Variants in ANKS1A observed in about 807,000 individuals in gnomAD.
ANKS1A encodes the protein ankyrin repeat and SAM domain-containing protein 1A.
A neutral mutation model predicts 120.3 loss-of-function variants in ANKS1A; 55 were observed. The observed-to-expected ratio is 0.46, with a 90% CI of 0.37 to 0.57. The LOEUF is 0.57. ANKS1A is among the 20% of genes least tolerant of loss of function. The probability of loss-of-function intolerance (pLI) is 0.00; values close to 1 mark genes in which losing one functional copy is unlikely to be tolerated. For missense variants in ANKS1A, 1,123 were observed against 1,480.3 expected, an observed-to-expected ratio of 0.76 and a Z score of 3.96; for synonymous variants, 590 against 604.7, an observed-to-expected ratio of 0.98 and a Z score of 0.36.
At position 35,089,420 on chromosome 6, in the gene ANKS1A, C is replaced by A; in HGVS notation, c.*811C>A. On this transcript the variant is annotated 3_prime_UTR_variant, in exon 24 of 24. Transcript: ENST00000360359. ...GATCGGAGCACTGCCCTGGGCTGGC[C>A]GGCGCCGTACTGCCTGCGTTGTGTC... 2 of 986,572 alleles carry A rather than the reference C, an allele frequency of 2.0e-6. No homozygotes were observed. The highest frequency in any genetic ancestry group is 1.7e-5 in the African/African-American group (1 of 57,346). 61.1% of individuals were successfully genotyped at this position (986,572 alleles called of 1,614,324 possible). A position where few individuals can be genotyped will look rare whatever the true frequency, so the allele number is the denominator to read the frequency against.
chr6:34,963,792 T>C (rs1770765616), intron 1 of ANKS1A, among the ~76,000 whole-genome samples: 1 of 152,236 alleles, frequency 6.6e-6, no homozygotes, highest in African/African-American at 2.4e-5. Context: ...CTTTTGTCTT[T>C]TCGGTAATAG....
chr6:34,916,465 A>G (rs1768172084), intron 1 of ANKS1A, among the ~76,000 whole-genome samples: 1 of 152,186 alleles, frequency 6.6e-6, no homozygotes, highest in Non-Finnish European at 1.5e-5. Flanking sequence ...GCTGCTGGAG[A>G]CTGCTGTAGA....
intron 1 of ANKS1A, among the ~76,000 whole-genome samples, chr6:34,943,787 T>G (rs1769646499): frequency 6.6e-6 from 1 of 152,246 alleles, no homozygotes; most frequent in African/African-American, 2.4e-5. Flanking sequence ...TCCTGGATAA[T>G]AAGCCCATTG....
chr6:35,078,618 C>T lies in ANKS1A; in HGVS notation c.2245C>T (p.Arg749Trp), dbSNP rs775309517. The change falls in exon 14 of 24, where the codon CGG becomes TGG. Residue 749 changes from arginine (R) to tryptophan (W), a missense_variant. Arg to Trp is a moderately radical substitution (Grantham distance 101). Transcript: ENST00000360359. ...RDIGISDPQH[R>W]RKLLQAARSL... ...CATCGGCATCAGCGACCCACAGCAC[C>T]GGCGGAAGCTGCTCCAGGCGGCACG... 6.2e-6 allele frequency: 10 copies of T among 1,606,132 alleles called. No individual in the cohort carries two copies. The highest frequency in any genetic ancestry group is 2.2e-5 in the East Asian group (1 of 44,882).
chr6:35,080,499 G>A (rs1382891536), intron 16 of ANKS1A, among the ~76,000 whole-genome samples: 5 of 152,172 alleles, frequency 3.3e-5, no homozygotes, highest in African/African-American at 4.8e-5. Flanking sequence ...GGCCTGCCCC[G>A]CAGGTCTCAC....
intron 11 of ANKS1A, among the ~76,000 whole-genome samples, chr6:35,018,296 G>A (rs530416935): frequency 2.6e-5 from 4 of 152,358 alleles, no homozygotes; most frequent in African/African-American, 9.6e-5. Flanking sequence ...AGCAGAGCAG[G>A]GCTGAGGGAG....
chr6:34,987,949 A>AC (rs1420606930), intron 8 of ANKS1A, among the ~76,000 whole-genome samples: 1 of 152,224 alleles, frequency 6.6e-6, no homozygotes, highest in Non-Finnish European at 1.5e-5. Context: ...CTCAAGCATG[A>AC]CCAGGGCTTT....
At position 34,981,996 on chromosome 6, in the gene ANKS1A, C is replaced by T. The variant is rs540061701; in HGVS notation, c.732+10C>T. On this transcript the variant is annotated intron_variant, in intron 4 of 23. Transcript: ENST00000360359. ...GGACAGCAACTACCAGGTAGCAGGG[C>T]GGGTGGGGGCTCCTCCAATCTCAAG... is the stretch of plus-strand genomic sequence containing the variant. 15 of 1,612,578 alleles carry T rather than the reference C, an allele frequency of 9.3e-6. No homozygotes were observed. In the African/African-American group the frequency reaches 1.1e-4, roughly 11 times the overall value.
chr6:35,076,465 G>T (rs1719454472), intron 13 of ANKS1A, among the ~76,000 whole-genome samples: 1 of 152,186 alleles, frequency 6.6e-6, no homozygotes, highest in Non-Finnish European at 1.5e-5. Context: ...AGCTCTGGGT[G>T]TCCCCAAGTG....
rs113792575 is a variant in ANKS1A at position 34,983,434 on chromosome 6, A to G, written c.1012+9A>G. 6.2e-7 allele frequency: 1 copy of G among 1,605,212 alleles called. No homozygotes were observed. Among genetic ancestry groups the G allele is most frequent in the Non-Finnish European group, 8.5e-7 (1 of 1,174,640 alleles). On this transcript the variant is annotated intron_variant, in intron 7 of 23. Coordinates refer to ENST00000360359, the MANE Select transcript of ANKS1A (RefSeq NM_015245.3). ...ATCACAGAAGTCTCAGGGTAAGGTA[A>G]CTCTCCCCTATGAGTAAAGGGGTGC... is the stretch of plus-strand genomic sequence containing the variant.
chr6:34,893,868 G>T (rs1024548636), intron 1 of ANKS1A, among the ~76,000 whole-genome samples: 1 of 152,044 alleles, frequency 6.6e-6, no homozygotes, highest in Non-Finnish European at 1.5e-5. Context: ...TGTTTATTAT[G>T]ACTGTTAGCC....
At chr6:35,035,551 C>T (rs929914971) in intron 11 of ANKS1A, among the ~76,000 whole-genome samples, 2 of 152,098 alleles carry the variant, frequency 1.3e-5, no homozygotes, top group Non-Finnish European at 2.9e-5. Context: ...CCCTGGGTAC[C>T]CCTCTTGACA....
intron 11 of ANKS1A, among the ~76,000 whole-genome samples, chr6:35,042,279 A>G (rs1180506905): frequency 6.6e-6 from 1 of 152,196 alleles, no homozygotes. Flanking sequence ...ACGCAGTTGG[A>G]GGAATTTCAG....
Position 35,001,543 on chromosome 6 carries a change from C to T in ANKS1A, c.1423+7121C>T, listed in dbSNP as rs570431842. ...CTATATCTCAAAGTCCAGCACCCTGCGGGGCAGCCCCTGAGGGCCATCCAG... is the reference window on the plus strand; with the variant it reads ...CTATATCTCAAAGTCCAGCACCCTGTGGGGCAGCCCCTGAGGGCCATCCAG... On this transcript the variant is annotated intron_variant, in intron 10 of 23. Coordinates refer to ENST00000360359, the MANE Select transcript of ANKS1A (RefSeq NM_015245.3). Among the ~76,000 whole-genome samples, 19 of 152,352 alleles carry T rather than the reference C, an allele frequency of 1.2e-4. No homozygotes were observed. The South Asian group carries it at 2.1e-3, about 17-fold the overall frequency.
Position 34,967,260 on chromosome 6 carries a change from GAA to G in ANKS1A, c.220_221del (p.Asn74LeufsTer3). ...ATAGCATGTGGAGAGGGCCAAATGT[GAA>G]CTGTGTTGACAGCACTGGCTACACA... The part of the protein sequence containing the change: ...LLSMWRGPNV[N>X]CVDSTGYTPL... On this transcript the variant is annotated frameshift_variant, in exon 2 of 24. Transcript: ENST00000360359. LOFTEE classifies it high-confidence loss of function. The G allele has an allele frequency of 6.2e-7, 1 of 1,613,448 alleles. No homozygotes were observed. Among genetic ancestry groups the G allele is most frequent in the Non-Finnish European group, 8.5e-7 (1 of 1,179,894 alleles).
chr6:34,988,019 A>T (rs1274899552), intron 8 of ANKS1A, among the ~76,000 whole-genome samples: 2 of 152,300 alleles, frequency 1.3e-5, no homozygotes, highest in Middle Eastern at 3.4e-3. Context: ...TTCAGCTTTC[A>T]GTTTTCCTTC....
At chr6:35,079,730 A>T in intron 15 of ANKS1A, 62 bp downstream of exon 15, 1 of 1,612,630 alleles carries the variant, frequency 6.2e-7, no homozygotes, top group South Asian at 1.1e-5. Flanking sequence ...CCTTAGGGGC[A>T]GCCTGGCCCA....
chr6:34,905,090 C>T lies in ANKS1A; in HGVS notation c.197+15491C>T, dbSNP rs547998267. On this transcript the variant is annotated intron_variant, in intron 1 of 23. Transcript: ENST00000360359. ...CCTCCCAAAGTTCTGGGATTATAGG[C>T]GGGAGCCACTGTGCCCGGTCAACGT... Among the ~76,000 whole-genome samples the T allele has an allele frequency of 1.3e-3, 196 of 152,318 alleles. 2 individuals carry two copies. The highest frequency in any genetic ancestry group is 7.8e-3 in the Admixed American group (119 of 15,302).
In ANKS1A at chr6:34,906,618, G is replaced by A. The variant is rs1767660496; in HGVS notation, c.197+17019G>A. Among the ~76,000 whole-genome samples, 7 of 152,148 alleles carry A rather than the reference G, an allele frequency of 4.6e-5. No homozygotes were observed. In the South Asian group the frequency reaches 1.5e-3, roughly 32 times the overall value. The stretch of plus-strand genomic sequence containing the variant: ...CCAATTATAAATGTAGGAATAATGA[G>A]GGGAATAGAAAATCACCATTAGCAT... On this transcript the variant is annotated intron_variant, in intron 1 of 23. Coordinates refer to ENST00000360359, the MANE Select transcript of ANKS1A (RefSeq NM_015245.3).
Sources: allele counts gnomAD v4.1 joint callset (sites outside exome capture counted in the v4.1 genomes callset), GRCh38; gene constraint gnomAD v4.1.1; transcripts MANE v1.5; gene names NCBI Gene and HGNC (gene_info 2026-07-23, HGNC 2026-07-21).